Variants in RASSF5 observed in about 807,000 individuals in gnomAD.
The protein encoded by RASSF5 is Ras association domain family member 5, also known as ras association domain-containing protein 5.
In RASSF5, 25 loss-of-function variants were observed where a neutral mutation model predicts 40.5. The ratio of observed to expected loss-of-function variants is 0.62; its 90% CI spans 0.45 to 0.86. RASSF5 has a LOEUF of 0.86. RASSF5 is among the 40% of genes least tolerant of loss of function. The probability of loss-of-function intolerance (pLI) is 0.00; values close to 1 mark genes in which losing one functional copy is unlikely to be tolerated. For missense variants in RASSF5, 521 were observed against 572.8 expected (o/e 0.91, Z 0.92); for synonymous variants, 246 against 252.4 (o/e 0.97, Z 0.24).
intron 2 of RASSF5, among the ~76,000 whole-genome samples, chr1:206,546,137 C>T (rs1667687394): frequency 1.0e-5 from 1 of 95,272 alleles, no homozygotes; most frequent in Admixed American, 1.5e-4. Flanking sequence ...GGGACAGGAT[C>T]TCATTCGGTC....
At chr1:206,529,777 T>C (rs782215641) in intron 1 of RASSF5, 2 of 443,432 alleles carry the variant, frequency 4.5e-6, no homozygotes, top group Non-Finnish European at 8.4e-6. Flanking sequence ...AAAAAAAAAT[T>C]AACCAGGTGT....
intron 2 of RASSF5, 47 bp from the exon 3 acceptor site, chr1:206,583,222 C>A: frequency 7.7e-7 from 1 of 1,294,712 alleles, no homozygotes; most frequent in Non-Finnish European, 1.1e-6. Context: ...CCCTTTCTCA[C>A]CCTGAGAACT....
intron 2 of RASSF5, among the ~76,000 whole-genome samples, chr1:206,573,477 C>G (rs1316947600): frequency 6.6e-6 from 1 of 152,180 alleles, no homozygotes; most frequent in African/African-American, 2.4e-5. Context: ...AAGACAGGCA[C>G]GGGTGCTTCT....
rs188156196 is a variant in RASSF5, at chr1:206,579,679, C to T, written c.580-3590C>T. Among the ~76,000 whole-genome samples, 233 of 152,260 alleles carry T rather than the reference C, an allele frequency of 1.5e-3. No homozygotes were observed. Among genetic ancestry groups the T allele is most frequent in the African/African-American group, 5.2e-3 (217 of 41,526 alleles). On this transcript the variant is annotated intron_variant, in intron 2 of 5. Coordinates refer to ENST00000579436, the MANE Select transcript of RASSF5 (RefSeq NM_182663.4). The surrounding 1 kb of genome is among the most constrained non-coding windows in gnomAD (Gnocchi z 4.2). The stretch of plus-strand genomic sequence containing the variant: ...CTAGGAGATTTTTAAAATTCCCATG[C>T]CCAGACTGCACCCCAGACCAATTAA...
chr1:206,557,946 C>G (rs1256565886), intron 2 of RASSF5, among the ~76,000 whole-genome samples: 1 of 152,194 alleles, frequency 6.6e-6, no homozygotes, highest in Non-Finnish European at 1.5e-5. Context: ...TGGGGGCTGC[C>G]CCTGGCTGGT....
At position 206,574,577 on chromosome 1, in the gene RASSF5, A is replaced by G. The variant is rs549956076; in HGVS notation, c.580-8692A>G. 5.3e-5 allele frequency among the ~76,000 whole-genome samples: 8 copies of G among 152,244 alleles called. No homozygotes were observed. In the South Asian group the frequency reaches 1.7e-3, roughly 32 times the overall value. ...CCTACCAGAGCTGCTCAAATTCCAC[A>G]TGGAGCAGAAGCTCCATGATAAAGC... is the stretch of plus-strand genomic sequence containing the variant. On this transcript the variant is annotated intron_variant, in intron 2 of 5. Coordinates refer to ENST00000579436, the MANE Select transcript of RASSF5 (RefSeq NM_182663.4).
At chr1:206,529,204 A>G in intron 1 of RASSF5, 1 of 1,401,372 alleles carries the variant, frequency 7.1e-7, no homozygotes, top group Non-Finnish European at 9.8e-7. Context: ...AAGCTGGCCC[A>G]CAAGTACAGA....
chr1:206,557,601 G>A, intron 2 of RASSF5: 1 of 1,614,184 alleles, frequency 6.2e-7, no homozygotes, highest in Non-Finnish European at 8.5e-7. Flanking sequence ...CATGAGCAGT[G>A]GGTACTGCAG....
rs1318430978 is a variant in RASSF5 at position 206,579,935 on chromosome 1, C to T, written c.580-3334C>T. On this transcript the variant is annotated intron_variant, in intron 2 of 5. Coordinates refer to ENST00000579436, the MANE Select transcript of RASSF5 (RefSeq NM_182663.4). The surrounding 1 kb of genome is among the most constrained non-coding windows in gnomAD (Gnocchi z 4.2). ...GCCAGATATTTTTGTGGGCAGCAGCCATCCCAGACCTGGGTGCTGGCATTC... is the reference window on the plus strand; with the variant it reads ...GCCAGATATTTTTGTGGGCAGCAGCTATCCCAGACCTGGGTGCTGGCATTC... 1.3e-5 allele frequency among the ~76,000 whole-genome samples: 2 copies of T among 152,216 alleles called. No individual in the cohort carries two copies. The highest frequency in any genetic ancestry group is 2.4e-5 in the African/African-American group (1 of 41,442).
At chr1:206,562,293 G>A (rs1206985829) in intron 2 of RASSF5, among the ~76,000 whole-genome samples, 2 of 152,166 alleles carry the variant, frequency 1.3e-5, no homozygotes, top group Non-Finnish European at 2.9e-5. Flanking sequence ...CTCAGGCATG[G>A]CACCTGCCCC....
intron 2 of RASSF5, among the ~76,000 whole-genome samples, chr1:206,568,096 G>A (rs1279533364): frequency 6.6e-6 from 1 of 152,140 alleles, no homozygotes; most frequent in Non-Finnish European, 1.5e-5. Flanking sequence ...CCTCATGACA[G>A]CAGTACCATC....
chr1:206,524,089 A>T (rs1317459694), intron 1 of RASSF5, among the ~76,000 whole-genome samples: 1 of 129,898 alleles, frequency 7.7e-6, no homozygotes, highest in South Asian at 2.3e-4. Context: ...TATATATAAT[A>T]TGTATACCAT....
chr1:206,567,846 C>G (rs1453911858), intron 2 of RASSF5, among the ~76,000 whole-genome samples: 2 of 152,108 alleles, frequency 1.3e-5, no homozygotes, highest in Admixed American at 1.3e-4. Context: ...TACTGGTAAA[C>G]ACTCAATCCT....
intron 4 of RASSF5, 162 bp from the exon 5 acceptor site, chr1:206,585,018 G>T: frequency 1.5e-6 from 1 of 650,932 alleles, no homozygotes; most frequent in South Asian, 1.8e-5. Flanking sequence ...AAGATAAAAG[G>T]TTATTGCCCT....
At chr1:206,556,234 C>G (rs113948170) in intron 2 of RASSF5, among the ~76,000 whole-genome samples, 3,552 of 152,320 alleles carry the variant, frequency 0.023, 127 homozygotes, top group African/African-American at 0.081. Context: ...GCGTAGGCAG[C>G]TGCACACACC....
chr1:206,539,263 C>T (rs782813822), intron 2 of RASSF5, among the ~76,000 whole-genome samples: 6 of 152,166 alleles, frequency 3.9e-5, no homozygotes, highest in African/African-American at 1.2e-4. Context: ...TCTACACATC[C>T]GGTGCTTACA....
intron 2 of RASSF5, among the ~76,000 whole-genome samples, chr1:206,550,792 G>C (rs528530041): frequency 8.5e-5 from 13 of 152,318 alleles, no homozygotes; most frequent in African/African-American, 3.1e-4. Context: ...TTATCCTCAA[G>C]ATAGCTATGG....
Position 206,584,400 on chromosome 1 carries a change from C to G in RASSF5, c.704C>G (p.Thr235Ser), listed in dbSNP as rs782573550. The change falls in exon 4 of 6, where the codon ACC (threonine) becomes AGC (serine). Residue 235 changes from threonine to serine, a missense_variant. Around this residue, in one of 2 missense-constraint regions of RASSF5, gnomAD observed 284 missense variants for 360.8 expected, o/e 0.79. Coordinates refer to ENST00000579436, the MANE Select transcript of RASSF5 (RefSeq NM_182663.4). This position sits in a 1 kb window ranked among gnomAD's most constrained non-coding sequence, Gnocchi z 4.9. ...CLGMKLSEDG[T>S]YTGFIKVHLK... is the part of the protein sequence containing the mutation. Reference sequence around the variant, plus strand: ...CCCCGCTGGCAGAGTGAAGACGGCACCTACACGGGTTTCATCAAAGTGCAT... The same window carrying G: ...CCCCGCTGGCAGAGTGAAGACGGCAGCTACACGGGTTTCATCAAAGTGCAT... 6.2e-7 allele frequency: 1 copy of G among 1,612,726 alleles called. No homozygotes were observed. The highest frequency in any genetic ancestry group is 1.1e-5 in the South Asian group (1 of 90,910).
chr1:206,577,981 G>A (rs1167062384), intron 2 of RASSF5, among the ~76,000 whole-genome samples: 2 of 152,150 alleles, frequency 1.3e-5, no homozygotes, highest in African/African-American at 4.8e-5. Flanking sequence ...CTGGCACTTC[G>A]TGAGGCTGAA....
Sources: allele counts gnomAD v4.1 joint callset (sites outside exome capture counted in the v4.1 genomes callset), GRCh38; gene constraint gnomAD v4.1.1; regional missense constraint gnomAD v4.1.1; non-coding constraint Gnocchi (gnomAD v3.1); transcripts MANE v1.5; gene names NCBI Gene and HGNC (gene_info 2026-07-23, HGNC 2026-07-21).